NDUFAB1: variants seen among roughly 807,000 people sequenced by gnomAD.
NDUFAB1 encodes the protein acyl carrier protein, mitochondrial.
A neutral mutation model predicts 16.1 loss-of-function variants in NDUFAB1; 5 were observed. That is an observed-to-expected ratio of 0.31 (90% CI 0.16 to 0.65). The LOEUF is 0.65. Among genes scored for constraint, NDUFAB1 ranks in the 30% least tolerant of loss-of-function variants. The pLI, the probability that NDUFAB1 is intolerant of heterozygous loss-of-function variation, is 0.77. For missense variants in NDUFAB1, 187 were observed against 205.3 expected (o/e 0.91, Z 0.54); for synonymous variants, 85 against 78.4 (o/e 1.08, Z -0.44).
At chr16:23,585,958 T>TG in intron 2 of NDUFAB1, among the ~76,000 whole-genome samples, 1 of 152,336 alleles carries the variant, frequency 6.6e-6, no homozygotes, top group East Asian at 1.9e-4. Flanking sequence ...GAGAAAGTCT[T>TG]GCTCTGTCAC....
chr16:23,592,182 A>C (rs1175356323), intron 1 of NDUFAB1, among the ~76,000 whole-genome samples: 1 of 152,164 alleles, frequency 6.6e-6, no homozygotes, highest in East Asian at 1.9e-4. Flanking sequence ...AGAACAGGTC[A>C]AGAAAACGAA....
At chr16:23,594,841 C>T (rs1032217781) in intron 1 of NDUFAB1, among the ~76,000 whole-genome samples, 2 of 152,176 alleles carry the variant, frequency 1.3e-5, no homozygotes, top group South Asian at 2.1e-4. Flanking sequence ...CCACTATTAC[C>T]TGAAGTCTAT....
intron 4 of NDUFAB1, chr16:23,581,768 T>C (rs1966181781): frequency 6.6e-6 from 1 of 152,300 alleles, no homozygotes; most frequent in Non-Finnish European, 1.5e-5. Flanking sequence ...ATTACCACCA[T>C]ATTACATATG....
chr16:23,582,212 G>T, intron 4 of NDUFAB1, 64 bp downstream of exon 4: 2 of 1,362,072 alleles, frequency 1.5e-6, no homozygotes, highest in Middle Eastern at 1.9e-4. Context: ...TTCTTCTTAA[G>T]TTTCCTTTAT....
intron 1 of NDUFAB1, among the ~76,000 whole-genome samples, chr16:23,589,344 G>A (rs576241915): frequency 6.6e-6 from 1 of 151,892 alleles, no homozygotes; most frequent in South Asian, 2.1e-4. Flanking sequence ...CTAAAGAGAT[G>A]AGTTGGAGAG....
At position 23,596,129 on chromosome 16, in the gene NDUFAB1, G is replaced by T; in HGVS notation, c.162C>A (p.Leu54=). 6.2e-7 allele frequency: 1 copy of T among 1,606,580 alleles called. No homozygotes were observed. The highest frequency in any genetic ancestry group is 8.5e-7 in the Non-Finnish European group (1 of 1,177,050). The change falls in exon 1 of 5, where the codon CTC becomes CTA. Residue 54 remains leucine, a synonymous_variant. Transcript: ENST00000007516. ...CAAAGTCACCACGAGTCACCTGCGC[G>T]AGCACTAAGGCCGGCTGCAAAGTCC... ...RLGTLQPALV[L]AQVPGRVTQL...
At chr16:23,590,638 C>CTATTTCTTCTTTTTTT (rs574003194) in intron 1 of NDUFAB1, among the ~76,000 whole-genome samples, 3 of 131,834 alleles carry the variant, frequency 2.3e-5, no homozygotes, top group East Asian at 2.1e-4. Context: ...CCTCTGGTCT[C>CTATTTCTTCTTTTTTT]TTTTTTTTTT....
At chr16:23,592,783 AGG>A (rs1434104248) in intron 1 of NDUFAB1, among the ~76,000 whole-genome samples, 1 of 152,096 alleles carries the variant, frequency 6.6e-6, no homozygotes, top group Non-Finnish European at 1.5e-5. Flanking sequence ...TTTGGGAAAA[AGG>A]GTGTAAATGA....
intron 1 of NDUFAB1, among the ~76,000 whole-genome samples, chr16:23,588,422 C>A (rs1033860073): frequency 2.6e-5 from 4 of 152,006 alleles, no homozygotes; most frequent in African/African-American, 9.7e-5. Context: ...CCATTGCATT[C>A]CAGCCTGGGC....
At chr16:23,582,723 C>G (rs940668123) in intron 3 of NDUFAB1, among the ~76,000 whole-genome samples, 1 of 150,216 alleles carries the variant, frequency 6.7e-6, no homozygotes, top group African/African-American at 2.4e-5. Context: ...CCTCTCCCCA[C>G]GGTCTCCCTC....
intron 1 of NDUFAB1, among the ~76,000 whole-genome samples, chr16:23,589,486 G>GC (rs1567408824): frequency 6.6e-6 from 1 of 152,088 alleles, no homozygotes; most frequent in East Asian, 1.9e-4. Context: ...CACATGACCG[G>GC]CCTACTTAAC....
Position 23,596,250 on chromosome 16 carries a change from G to A in NDUFAB1, c.41C>T (p.Pro14Leu). The A allele has an allele frequency of 6.3e-7, 1 of 1,599,774 alleles. No individual in the cohort carries two copies. The highest frequency in any genetic ancestry group is 2.3e-5 in the East Asian group (1 of 43,752). ...CCGGGGCAGCGGCGCAAAGGCCGCG[G>A]GCAGGCGGCTGACATAGGCTGAAAG... The part of the protein sequence containing the change: ...RVLSAYVSRL[P>L]AAFAPLPRVR... The change falls in exon 1 of 5, where the codon CCC becomes CTC. Residue 14 changes from proline to leucine, a missense_variant. Around this residue, in one of 3 missense-constraint regions of NDUFAB1, gnomAD observed 135 missense variants for 129.4 expected, o/e 1.04. Transcript: ENST00000007516.
Position 23,587,190 on chromosome 16 carries a change from C to T in NDUFAB1, c.291+7G>A, listed in dbSNP as rs1289731808. The T allele has an allele frequency of 3.7e-6, 6 of 1,609,344 alleles. No individual in the cohort carries two copies. The highest frequency in any genetic ancestry group is 1.7e-4 in the Middle Eastern group (1 of 6,030). On this transcript the variant is annotated splice_region_variant and intron_variant, in intron 2 of 4. Coordinates refer to ENST00000007516, the MANE Select transcript of NDUFAB1 (RefSeq NM_005003.3). The stretch of plus-strand genomic sequence containing the variant: ...TAAAGAAAAAAATTCAAACCACCAT[C>T]AGTTACCTTCTCTGGGTCAATCTTG...
At chr16:23,586,624 C>T (rs1245234706) in intron 2 of NDUFAB1, among the ~76,000 whole-genome samples, 3 of 146,502 alleles carry the variant, frequency 2.0e-5, no homozygotes, top group Admixed American at 6.8e-5. Context: ...TGAGCTACCA[C>T]GCCCGGCCCC....
chr16:23,595,149 G>A (rs564470246), intron 1 of NDUFAB1, among the ~76,000 whole-genome samples: 4 of 152,092 alleles, frequency 2.6e-5, no homozygotes, highest in Non-Finnish European at 4.4e-5. Flanking sequence ...TACTCGGGGG[G>A]GCTGAGGGAG....
At chr16:23,584,437 G>T (rs1410930503) in intron 3 of NDUFAB1, among the ~76,000 whole-genome samples, 1 of 150,736 alleles carries the variant, frequency 6.6e-6, no homozygotes, top group Non-Finnish European at 1.5e-5. Flanking sequence ...CGTTCTCAAG[G>T]TTCGTGTGCT....
chr16:23,586,867 T>C (rs443707), intron 2 of NDUFAB1, among the ~76,000 whole-genome samples: 16,239 of 149,268 alleles, frequency 0.11, 1,048 homozygotes, highest in African/African-American at 0.18. Context: ...AGGCTGGTCT[T>C]GAATTCCCGA....
intron 1 of NDUFAB1, among the ~76,000 whole-genome samples, chr16:23,590,643 T>TCTTC (rs372802871): frequency 2.7e-5 from 4 of 149,118 alleles, no homozygotes; most frequent in South Asian, 2.1e-4. Flanking sequence ...GGTCTCTTTT[T>TCTTC]TTTTTTTTTT....
At chr16:23,590,284 G>A (rs944878029) in intron 1 of NDUFAB1, among the ~76,000 whole-genome samples, 7 of 152,208 alleles carry the variant, frequency 4.6e-5, no homozygotes, top group Non-Finnish European at 8.8e-5. Context: ...GAGGCAGTAA[G>A]TTAGTGGGCA....
Sources: gnomAD v4.1 joint callset for allele counts (sites outside exome capture counted in the v4.1 genomes callset) on GRCh38, gnomAD v4.1.1 for gene constraint, gnomAD v4.1.1 regional missense constraint, MANE v1.5 for transcripts, NCBI Gene and HGNC (gene_info 2026-07-23, HGNC 2026-07-21) for gene names.